MYO5B: variants seen among roughly 807,000 people sequenced by gnomAD.
MYO5B encodes myosin VB.
MYO5B carries 143 observed loss-of-function variants against 229.3 expected under a neutral mutation model. That is an observed-to-expected ratio of 0.62 (90% confidence interval 0.54 to 0.72). The LOEUF (loss-of-function observed/expected upper bound fraction) is 0.72. Ranked by LOEUF, MYO5B falls within the 30% of genes least tolerant of loss-of-function variation. The pLI is 0.00. For missense variants in MYO5B, 2,321 were observed against 2,331.0 expected (o/e 1.00, Z 0.09); for synonymous variants, 918 against 885.2 (o/e 1.04, Z -0.66).
At chr18:49,938,528 A>G (rs2025276188) in intron 14 of MYO5B, among the ~76,000 whole-genome samples, 1 of 152,092 alleles carries the variant, frequency 6.6e-6, no homozygotes, top group Admixed American at 6.5e-5. Flanking sequence ...AAGAGAGGCT[A>G]AATGCTACAG....
chr18:50,023,438 T>C (rs2026298649), intron 4 of MYO5B, among the ~76,000 whole-genome samples: 1 of 152,212 alleles, frequency 6.6e-6, no homozygotes, highest in Non-Finnish European at 1.5e-5. Context: ...CATCATAGTA[T>C]GAAGCTATTA....
At chr18:49,880,275 CT>C in intron 23 of MYO5B, 95 bp downstream of exon 23, 1 of 1,022,018 alleles carries the variant, frequency 9.8e-7, no homozygotes, top group Non-Finnish European at 1.6e-6. Context: ...ACTGTAGCCT[CT>C]AGTCTAACTG....
chr18:49,876,903 T>C (rs963911925), intron 25 of MYO5B, among the ~76,000 whole-genome samples: 7 of 152,236 alleles, frequency 4.6e-5, no homozygotes, highest in Non-Finnish European at 1.0e-4. Context: ...TTTTTCTTTA[T>C]AGCACTTAGC....
chr18:49,963,859 T>C (rs2025591424), intron 10 of MYO5B, among the ~76,000 whole-genome samples: 1 of 152,190 alleles, frequency 6.6e-6, no homozygotes, highest in Non-Finnish European at 1.5e-5. Context: ...ACCTGGGAAG[T>C]GCAATGGTGT....
chr18:49,873,356 T>C (rs1193702026), intron 26 of MYO5B, among the ~76,000 whole-genome samples: 2 of 146,520 alleles, frequency 1.4e-5, no homozygotes, highest in African/African-American at 5.1e-5. Flanking sequence ...ACCTACGTGC[T>C]AGCTAGCAGT....
chr18:50,122,439 T>TTAAA (rs536027119), intron 1 of MYO5B, among the ~76,000 whole-genome samples: 1 of 41,878 alleles, frequency 2.4e-5, no homozygotes, highest in Non-Finnish European at 3.9e-5. Flanking sequence ...CTGTCTCAAC[T>TTAAA]AAAAAAAAAA....
At chr18:49,994,939 G>A (rs2025971280) in intron 5 of MYO5B, among the ~76,000 whole-genome samples, 1 of 152,162 alleles carries the variant, frequency 6.6e-6, no homozygotes, top group South Asian at 2.1e-4. Flanking sequence ...CTCATTTAAT[G>A]CTGCCAAGAA....
chr18:50,134,352 G>A (rs2032301154), intron 1 of MYO5B, among the ~76,000 whole-genome samples: 1 of 152,024 alleles, frequency 6.6e-6, no homozygotes, highest in East Asian at 1.9e-4. Context: ...TCATGAGATC[G>A]AGACCATCCT....
At position 49,853,464 on chromosome 18, in the gene MYO5B, C is replaced by G; in HGVS notation, c.4206G>C (p.Leu1402=). 1.2e-6 allele frequency: 2 copies of G among 1,613,964 alleles called. No homozygotes were observed. The highest frequency in any genetic ancestry group is 1.7e-6 in the Non-Finnish European group (2 of 1,179,998). Residue 1402 remains leucine (L), a synonymous_variant, in exon 31 of 40, where the codon CTG becomes CTC. Transcript: ENST00000285039. ...GGCTACCCACCAGATTCTCGTTGGT[C>G]AGCCGGGATATTTCCTGCTGAACGC... ...EFGVQQEISR[L]TNENLDLKEL... is the part of the protein sequence containing the mutation.
At chr18:50,030,898 A>AGG (rs2026381066) in intron 4 of MYO5B, among the ~76,000 whole-genome samples, 1 of 144,938 alleles carries the variant, frequency 6.9e-6, no homozygotes, top group African/African-American at 2.6e-5. Flanking sequence ...AAAAAAAAAA[A>AGG]AAAAAAAAAA....
At chr18:50,074,414 C>G (rs185138858) in intron 1 of MYO5B, among the ~76,000 whole-genome samples, 14 of 152,186 alleles carry the variant, frequency 9.2e-5, no homozygotes, top group Admixed American at 1.3e-4. Context: ...AAGGGCCCAT[C>G]GGATGTCACT....
intron 2 of MYO5B, among the ~76,000 whole-genome samples, chr18:50,047,243 G>A (rs1355782743): frequency 2.7e-5 from 4 of 147,344 alleles, no homozygotes; most frequent in Non-Finnish European, 4.5e-5. Flanking sequence ...AAATTTACAA[G>A]AAAAAAACAA....
At chr18:49,905,049 G>A (rs1312356918) in intron 19 of MYO5B, among the ~76,000 whole-genome samples, 2 of 152,166 alleles carry the variant, frequency 1.3e-5, no homozygotes, top group East Asian at 3.9e-4. Flanking sequence ...TTATGGTCTC[G>A]AAAGGCTTCC....
At chr18:50,049,574 C>T (rs894282090) in intron 2 of MYO5B, among the ~76,000 whole-genome samples, 1 of 152,178 alleles carries the variant, frequency 6.6e-6, no homozygotes, top group African/African-American at 2.4e-5. Flanking sequence ...ACCTGAGTTT[C>T]CCAGCCTTGT....
At chr18:49,857,683 T>C (rs2024278851) in intron 29 of MYO5B, among the ~76,000 whole-genome samples, 2 of 152,332 alleles carry the variant, frequency 1.3e-5, no homozygotes, top group South Asian at 4.1e-4. Context: ...TTTACCCCTC[T>C]ACATGCAAAC....
intron 14 of MYO5B, among the ~76,000 whole-genome samples, chr18:49,943,359 T>G (rs1226294806): frequency 6.6e-6 from 1 of 150,506 alleles, no homozygotes; most frequent in Non-Finnish European, 1.5e-5. Context: ...AAAGTATAAT[T>G]AAAAAAAAAA....
At chr18:50,055,435 A>G in intron 1 of MYO5B, 57 bp from the exon 2 acceptor site, 1 of 1,430,948 alleles carries the variant, frequency 7.0e-7, no homozygotes, top group South Asian at 1.1e-5. Context: ...AGATTTCTAA[A>G]TGTGTGTCAC....
intron 1 of MYO5B, among the ~76,000 whole-genome samples, chr18:50,178,083 C>G (rs555362078): frequency 6.6e-6 from 1 of 152,312 alleles, no homozygotes; most frequent in East Asian, 1.9e-4. Context: ...AAAAGACTCT[C>G]GAATACTTGT....
intron 11 of MYO5B, 152 bp downstream of exon 11, chr18:49,962,797 C>T: frequency 1.3e-6 from 1 of 758,656 alleles, no homozygotes; most frequent in South Asian, 1.5e-5. Context: ...TGGAGAGCCC[C>T]TTCCGAAAGC....
Sources: allele counts gnomAD v4.1 joint callset (sites outside exome capture counted in the v4.1 genomes callset), GRCh38; gene constraint gnomAD v4.1.1; transcripts MANE v1.5; gene names NCBI Gene and HGNC (gene_info 2026-07-23, HGNC 2026-07-21).